TRAPPC9: variants seen among roughly 807,000 people sequenced by gnomAD.
The protein encoded by TRAPPC9 is trafficking protein particle complex subunit 9.
Under a neutral mutation model 124.0 loss-of-function variants are expected in TRAPPC9, and 83 were observed. The observed-to-expected ratio is 0.67, with a 90% CI of 0.56 to 0.80. The LOEUF is 0.80. TRAPPC9 is among the 30% of genes least tolerant of loss of function. The pLI is 0.00. For missense variants in TRAPPC9, 1,302 were observed against 1,508.3 expected, an observed-to-expected ratio of 0.86 and a Z score of 2.27; for synonymous variants, 638 against 617.5, an observed-to-expected ratio of 1.03 and a Z score of -0.49.
chr8:140,364,407 T>G (rs1363376837), intron 8 of TRAPPC9, among the ~76,000 whole-genome samples: 1 of 150,034 alleles, frequency 6.7e-6, no homozygotes, highest in African/African-American at 2.5e-5. Flanking sequence ...TCTATTAAAA[T>G]ACACTTTCTT....
chr8:139,882,046 GC>G (rs1416579744), intron 21 of TRAPPC9, among the ~76,000 whole-genome samples: 2 of 152,322 alleles, frequency 1.3e-5, no homozygotes, highest in East Asian at 3.9e-4. Context: ...TTCAAGGAGA[GC>G]CCCTTGTGAG....
intron 21 of TRAPPC9, among the ~76,000 whole-genome samples, chr8:139,804,080 C>T (rs955853604): frequency 2.0e-5 from 3 of 148,492 alleles, no homozygotes; most frequent in Admixed American, 2.0e-4. Context: ...GCCACCACCA[C>T]GACGCACCAC....
At chr8:140,403,019 A>G (rs1366738341) in intron 6 of TRAPPC9, among the ~76,000 whole-genome samples, 1 of 152,254 alleles carries the variant, frequency 6.6e-6, no homozygotes, top group East Asian at 1.9e-4. Flanking sequence ...ATATGTTTGC[A>G]TAGATTATCT....
At chr8:139,937,923 T>G (rs1032025194) in intron 19 of TRAPPC9, among the ~76,000 whole-genome samples, 1 of 152,140 alleles carries the variant, frequency 6.6e-6, no homozygotes, top group African/African-American at 2.4e-5. Context: ...TGAAATGCAT[T>G]ACCAGATGCA....
At chr8:140,349,061 C>T (rs1242963540) in intron 9 of TRAPPC9, among the ~76,000 whole-genome samples, 1 of 128,038 alleles carries the variant, frequency 7.8e-6, no homozygotes, top group Non-Finnish European at 1.6e-5. Context: ...GAGGGACGTC[C>T]GGCAGAGGGG....
chr8:140,320,251 GC>G (rs1419926483), intron 9 of TRAPPC9, among the ~76,000 whole-genome samples: 1 of 152,150 alleles, frequency 6.6e-6, no homozygotes, highest in Non-Finnish European at 1.5e-5. Flanking sequence ...CTCTTTGGAG[GC>G]TTCCACTAAG....
chr8:140,319,591 C>T (rs1195559656), intron 9 of TRAPPC9, among the ~76,000 whole-genome samples: 1 of 152,080 alleles, frequency 6.6e-6, no homozygotes, highest in African/African-American at 2.4e-5. Context: ...CTCAGCCTAC[C>T]GGATAGCTGG....
intron 17 of TRAPPC9, among the ~76,000 whole-genome samples, chr8:140,055,745 T>G (rs1842254534): frequency 6.6e-6 from 1 of 152,062 alleles, no homozygotes; most frequent in Admixed American, 6.6e-5. Flanking sequence ...GGAAACAAAT[T>G]CACTTATAAT....
At chr8:139,858,227 A>G (rs953433978) in intron 21 of TRAPPC9, among the ~76,000 whole-genome samples, 1 of 152,280 alleles carries the variant, frequency 6.6e-6, no homozygotes, top group Non-Finnish European at 1.5e-5. Flanking sequence ...CAACAAAGAA[A>G]GAGTCAAGTT....
rs562025609 is a variant in TRAPPC9 at position 140,239,081 on chromosome 8, T to C, written c.2431+13696A>G. 1.4e-4 allele frequency among the ~76,000 whole-genome samples: 21 copies of C among 152,252 alleles called. No individual in the cohort carries two copies. The East Asian group carries it at 4.1e-3, about 30-fold the overall frequency. On this transcript the variant is annotated intron_variant, in intron 16 of 22. Coordinates refer to ENST00000438773, the MANE Select transcript of TRAPPC9 (RefSeq NM_001160372.4). ...AAAGCTGCTCCTTGGAGCAGCTGGC[T>C]TGGGGGCACCAGGCCAGCCTCCCTT... is the stretch of plus-strand genomic sequence containing the variant.
intron 17 of TRAPPC9, chr8:140,095,534 A>AG (rs1167274618): frequency 1.3e-5 from 2 of 152,242 alleles, no homozygotes; most frequent in Non-Finnish European, 2.9e-5. Context: ...GCTCCCCAGA[A>AG]GCCCAGCGTG....
At chr8:140,301,778 G>A (rs544810875) in intron 10 of TRAPPC9, among the ~76,000 whole-genome samples, 2 of 152,320 alleles carry the variant, frequency 1.3e-5, no homozygotes, top group Non-Finnish European at 2.9e-5. Context: ...GCCTCTGTGA[G>A]ACACACACTT....
In TRAPPC9 at chr8:139,953,229, C is replaced by T. The variant is rs542392022; in HGVS notation, c.2810+35497G>A. The stretch of plus-strand genomic sequence containing the variant: ...AAAGTAGGCCAGGAGTTGCGGCTCA[C>T]GCCTGTAATCCCAGCACTTTGGGAG... On this transcript the variant is annotated intron_variant, in intron 19 of 22. Transcript: ENST00000438773. 5.3e-5 allele frequency among the ~76,000 whole-genome samples: 8 copies of T among 152,344 alleles called. No homozygotes were observed. The South Asian group carries it at 1.2e-3, about 24-fold the overall frequency.
intron 9 of TRAPPC9, among the ~76,000 whole-genome samples, chr8:140,334,641 C>G (rs1200112535): frequency 6.8e-6 from 1 of 146,418 alleles, no homozygotes; most frequent in African/African-American, 2.5e-5. Flanking sequence ...CAGAGCGAGA[C>G]TCTGTCACTA....
intron 21 of TRAPPC9, among the ~76,000 whole-genome samples, chr8:139,843,951 A>T (rs1380087071): frequency 6.6e-6 from 1 of 152,052 alleles, no homozygotes; most frequent in Non-Finnish European, 1.5e-5. Flanking sequence ...CTGGGCCCTC[A>T]CTCCCCATAC....
At chr8:140,194,994 G>A (rs539668914) in intron 17 of TRAPPC9, among the ~76,000 whole-genome samples, 1 of 151,434 alleles carries the variant, frequency 6.6e-6, no homozygotes, top group East Asian at 2.0e-4. Context: ...CACACTCAAG[G>A]TTCTACTGTA....
chr8:139,883,317 A>C (rs2131100992), intron 21 of TRAPPC9, among the ~76,000 whole-genome samples: 1 of 152,382 alleles, frequency 6.6e-6, no homozygotes, highest in South Asian at 2.1e-4. Flanking sequence ...ACAACTGTTA[A>C]GAAATACATT....
At chr8:140,376,553 T>TA (rs34319639) in intron 7 of TRAPPC9, among the ~76,000 whole-genome samples, 2,393 of 49,712 alleles carry the variant, frequency 0.048, 230 homozygotes, top group African/African-American at 0.16. Flanking sequence ...AGACTCCATC[T>TA]AAAAAAAAAA....
At chr8:139,941,681 C>T (rs1314403322) in intron 19 of TRAPPC9, among the ~76,000 whole-genome samples, 1 of 152,200 alleles carries the variant, frequency 6.6e-6, no homozygotes, top group Non-Finnish European at 1.5e-5. Flanking sequence ...GACAGCGTGA[C>T]TGTAACTGTG....
Sources: allele counts gnomAD v4.1 joint callset (sites outside exome capture counted in the v4.1 genomes callset), GRCh38; gene constraint gnomAD v4.1.1; transcripts MANE v1.5; gene names NCBI Gene and HGNC (gene_info 2026-07-23, HGNC 2026-07-21).